Variants in XPR1 observed in about 807,000 individuals in gnomAD.
XPR1 encodes the protein solute carrier family 53 member 1.
XPR1 carries 28 observed loss-of-function variants against 87.5 expected under a neutral mutation model. The observed-to-expected ratio is 0.32, with a 90% CI of 0.24 to 0.44. The LOEUF (loss-of-function observed/expected upper bound fraction) is 0.44, where lower values mean the gene tolerates loss of function less well. Ranked by LOEUF, XPR1 falls within the 20% of genes least tolerant of loss-of-function variation. The pLI, the probability that XPR1 is intolerant of heterozygous loss-of-function variation, is 1.00. For synonymous variants in XPR1, 300 were observed against 306.1 expected (o/e 0.98, Z 0.21); for missense variants, 559 against 862.3 (o/e 0.65, Z 4.41).
chr1:180,849,617 T>C (rs1651800237), intron 11 of XPR1, among the ~76,000 whole-genome samples: 1 of 152,158 alleles, frequency 6.6e-6, no homozygotes, highest in Non-Finnish European at 1.5e-5. Flanking sequence ...CAAATAAAAG[T>C]AGATTTGAAT....
At chr1:180,710,990 C>A (rs1220085578) in intron 2 of XPR1, among the ~76,000 whole-genome samples, 1 of 143,648 alleles carries the variant, frequency 7.0e-6, no homozygotes, top group African/African-American at 2.5e-5. Context: ...GGCTGCCGGG[C>A]GGAGGGGCTC....
chr1:180,841,419 G>A (rs1201883542), intron 11 of XPR1, among the ~76,000 whole-genome samples: 1 of 151,678 alleles, frequency 6.6e-6, no homozygotes, highest in East Asian at 1.9e-4. Context: ...TGGAGATAAT[G>A]GTACCTATTC....
At chr1:180,639,323 C>T (rs1281375305) in intron 1 of XPR1, among the ~76,000 whole-genome samples, 1 of 151,426 alleles carries the variant, frequency 6.6e-6, no homozygotes, top group East Asian at 1.9e-4. Flanking sequence ...TGTTTATTTG[C>T]TAGGGAGTCA....
intron 7 of XPR1, among the ~76,000 whole-genome samples, 181 bp from the exon 8 acceptor site, chr1:180,824,572 T>C (rs749453101): frequency 9.9e-5 from 15 of 152,056 alleles, no homozygotes; most frequent in Non-Finnish European, 1.8e-4. Flanking sequence ...AGGGTGAGAC[T>C]GTCTCAAAAA....
At chr1:180,676,575 T>C (rs1162365029) in intron 1 of XPR1, among the ~76,000 whole-genome samples, 2 of 152,198 alleles carry the variant, frequency 1.3e-5, no homozygotes, top group Non-Finnish European at 2.9e-5. Flanking sequence ...ACCACTACTC[T>C]ATACTTGTAG....
chr1:180,632,146 T>TGCC lies in XPR1; in HGVS notation c.-46_-44dup, dbSNP rs1654604080. The stretch of plus-strand genomic sequence containing the variant: ...TGTGGGGAGGAGTCGGAGTCGCTGT[T>TGCC]GCCGCCGCCGCCTGTAGCTGCTGGA... On this transcript the variant is annotated 5_prime_UTR_variant, in exon 1 of 15. Transcript: ENST00000367590. 17 of 1,567,960 alleles carry TGCC rather than the reference T, an allele frequency of 1.1e-5. No homozygotes were observed. Among genetic ancestry groups the TGCC allele is most frequent in the Non-Finnish European group, 1.0e-5 (12 of 1,156,728 alleles).
In XPR1 at chr1:180,886,768, A is replaced by G. The variant is rs553798855; in HGVS notation, c.*2702A>G. On this transcript the variant is annotated 3_prime_UTR_variant, in exon 15 of 15. Transcript: ENST00000367590. Reference sequence around the variant, plus strand: ...TAATTTTTTTCTTTCAAAAAAGGCAATGTGCACTTTCCTCTCCTAAATTTT... The same window carrying G: ...TAATTTTTTTCTTTCAAAAAAGGCAGTGTGCACTTTCCTCTCCTAAATTTT... 1 of 152,352 alleles carries G rather than the reference A, an allele frequency of 6.6e-6. No individual in the cohort carries two copies. Among genetic ancestry groups the G allele is most frequent in the South Asian group, 2.1e-4 (1 of 4,822 alleles). The allele number at this position is 152,352 out of a possible 1,614,324, so 9.4% of individuals were successfully genotyped here.
intron 10 of XPR1, among the ~76,000 whole-genome samples, chr1:180,836,092 C>G (rs2102169467): frequency 6.6e-6 from 1 of 152,260 alleles, no homozygotes. Flanking sequence ...GGCGCAGTGG[C>G]TCACACCTGT....
intron 2 of XPR1, among the ~76,000 whole-genome samples, chr1:180,710,105 G>A (rs1186388563): frequency 6.6e-6 from 1 of 151,560 alleles, no homozygotes; most frequent in Non-Finnish European, 1.5e-5. Context: ...TGTTGGCCAG[G>A]CTGGTCTCGA....
At chr1:180,830,825 G>A (rs1345826072) in intron 9 of XPR1, among the ~76,000 whole-genome samples, 1 of 152,170 alleles carries the variant, frequency 6.6e-6, no homozygotes, top group Non-Finnish European at 1.5e-5. Flanking sequence ...TCCCTTCTCT[G>A]CAATGCCAAG....
At chr1:180,663,540 G>A (rs1655850077) in intron 1 of XPR1, among the ~76,000 whole-genome samples, 1 of 152,190 alleles carries the variant, frequency 6.6e-6, no homozygotes, top group African/African-American at 2.4e-5. Flanking sequence ...GGTGATGGGT[G>A]ACTCAAGCAC....
At chr1:180,879,651 T>C (rs1047231554) in intron 13 of XPR1, among the ~76,000 whole-genome samples, 1 of 152,232 alleles carries the variant, frequency 6.6e-6, no homozygotes, top group African/African-American at 2.4e-5. Context: ...GATGGCATAC[T>C]CTATTCCCTT....
At chr1:180,641,135 G>T (rs1202077462) in intron 1 of XPR1, among the ~76,000 whole-genome samples, 5 of 152,108 alleles carry the variant, frequency 3.3e-5, no homozygotes, top group Non-Finnish European at 7.4e-5. Context: ...GTGACTTCAG[G>T]CAAGTCAGTT....
At chr1:180,845,202 G>A (rs914496025) in intron 11 of XPR1, among the ~76,000 whole-genome samples, 9 of 152,162 alleles carry the variant, frequency 5.9e-5, no homozygotes, top group African/African-American at 2.2e-4. Context: ...CAAGGGTACG[G>A]AGAGATGAAA....
rs1313658234 is a variant in XPR1 at position 180,887,971 on chromosome 1, T to C, written c.*3905T>C. The C allele has an allele frequency of 1.3e-5, 2 of 152,154 alleles. No homozygotes were observed. The highest frequency in any genetic ancestry group is 2.9e-5 in the Non-Finnish European group (2 of 68,036). The allele number at this position is 152,154 out of a possible 1,614,324, so 9.4% of individuals were successfully genotyped here. A position where few individuals can be genotyped will look rare whatever the true frequency, so the allele number is the denominator to read the frequency against. ...ATGCAGGTATCAGATTAACAGACAT[T>C]CATTGAAGATAAGTGAAATAACTTT... On this transcript the variant is annotated 3_prime_UTR_variant, in exon 15 of 15. Coordinates refer to ENST00000367590, the MANE Select transcript of XPR1 (RefSeq NM_004736.4).
chr1:180,744,581 G>C (rs1275741531), intron 2 of XPR1, among the ~76,000 whole-genome samples: 2 of 151,232 alleles, frequency 1.3e-5, no homozygotes, highest in African/African-American at 4.9e-5. Flanking sequence ...TATTATGTTA[G>C]AAGATTCAAG....
chr1:180,695,845 A>G (rs1657146536), intron 2 of XPR1, among the ~76,000 whole-genome samples: 1 of 152,018 alleles, frequency 6.6e-6, no homozygotes, highest in African/African-American at 2.4e-5. Context: ...TTTGTAGTAT[A>G]CTTTGAAGTC....
chr1:180,684,280 T>C (rs1292533600), intron 2 of XPR1, among the ~76,000 whole-genome samples: 1 of 152,226 alleles, frequency 6.6e-6, no homozygotes, highest in East Asian at 1.9e-4. Flanking sequence ...TGGTTGTAGA[T>C]ATGCGGCATT....
intron 1 of XPR1, among the ~76,000 whole-genome samples, chr1:180,638,125 C>T (rs1202741473): frequency 1.3e-5 from 2 of 151,778 alleles, no homozygotes; most frequent in Non-Finnish European, 2.9e-5. Context: ...CAGTTATGTT[C>T]TCTCAAAGCA....
Sources: gnomAD v4.1 joint callset for allele counts (sites outside exome capture counted in the v4.1 genomes callset) on GRCh38, gnomAD v4.1.1 for gene constraint, MANE v1.5 for transcripts, NCBI Gene and HGNC (gene_info 2026-07-23, HGNC 2026-07-21) for gene names.